The following HPX variants were observed in gnomAD, a reference collection of about 807,000 sequenced individuals.
HPX encodes beta-1B-glycoprotein.
Under a neutral mutation model 53.8 loss-of-function variants are expected in HPX, and 42 were observed. The ratio of observed to expected loss-of-function variants is 0.78; its 90% CI spans 0.61 to 1.01. The LOEUF (loss-of-function observed/expected upper bound fraction) is 1.01. Ranked by LOEUF, HPX falls within the 50% of genes least tolerant of loss-of-function variation. The pLI, the probability that HPX is intolerant of heterozygous loss-of-function variation, is 0.00. For synonymous variants in HPX, 229 were observed against 221.1 expected, an observed-to-expected ratio of 1.04 and a Z score of -0.32; for missense variants, 547 against 594.3, an observed-to-expected ratio of 0.92 and a Z score of 0.83.
In HPX at chr11:6,440,935, G is replaced by A. The variant is rs1652644134; in HGVS notation, c.29C>T (p.Ala10Val). 1 of 1,609,956 alleles carries A rather than the reference G, an allele frequency of 6.2e-7. No individual in the cohort carries two copies. The change falls in exon 1 of 10, where the codon GCA (alanine) becomes GTA (valine). Residue 10 changes from alanine (A) to valine (V), a missense_variant. By Grantham distance (64) the Ala-to-Val change is moderately conservative. Transcript: ENST00000265983. MARVLGAPV[A>V]LGLWSLCWSL... is the part of the protein sequence containing the mutation. ...CCAGCATAGGCTCCACAACCCCAGT[G>A]CAACGGGTGCTCCCAGTACCCTAGC...
chr11:6,437,845 C>T (rs1849437145), intron 5 of HPX, 193 bp from the exon 6 acceptor site: 1 of 599,134 alleles, frequency 1.7e-6, no homozygotes, highest in Non-Finnish European at 3.0e-6. Context: ...TCAGCAAAGG[C>T]AGTGGGGAGA....
At chr11:6,437,236 C>T (rs1284461577) in intron 6 of HPX, 59 bp from the exon 7 acceptor site, 1 of 1,567,614 alleles carries the variant, frequency 6.4e-7, no homozygotes, top group East Asian at 2.3e-5. Context: ...GAGTGAGGTC[C>T]AAGGTGGAAG....
chr11:6,437,215 GC>G, intron 6 of HPX, 38 bp from the exon 7 acceptor site: 1 of 1,597,138 alleles, frequency 6.3e-7, no homozygotes, highest in Non-Finnish European at 8.5e-7. Context: ...ACAGAAGGAG[GC>G]CAGAGGTCAG....
At position 6,431,737 on chromosome 11, in the gene HPX, G is replaced by A; in HGVS notation, c.1033C>T (p.Leu345=). 6.2e-7 allele frequency: 1 copy of A among 1,614,204 alleles called. No individual in the cohort carries two copies. The highest frequency in any genetic ancestry group is 8.5e-7 in the Non-Finnish European group (1 of 1,180,038). The change falls in exon 9 of 10, where the codon CTG becomes TTG. Residue 345 remains leucine (L), a synonymous_variant. Transcript: ENST00000265983. Reference sequence around the variant, plus strand: ...TGAGGGGTCCCGACTTCCTTCTCCAGCCGCTTCGGATAACCGCTTACTAGG... The same window carrying A: ...TGAGGGGTCCCGACTTCCTTCTCCAACCGCTTCGGATAACCGCTTACTAGG... ...YTLVSGYPKR[L]EKEVGTPHGI...
intron 6 of HPX, 55 bp downstream of exon 6, chr11:6,437,385 A>G (rs1849429397): frequency 6.0e-6 from 9 of 1,512,574 alleles, no homozygotes; most frequent in East Asian, 2.3e-5. Flanking sequence ...GAGATCCACA[A>G]GCTCAGGGAA....
At position 6,440,908 on chromosome 11, in the gene HPX, G is replaced by C. The variant is rs1446515896; in HGVS notation, c.56C>G (p.Ser19Cys). The change falls in exon 1 of 10, where the codon TCT becomes TGT. Residue 19 changes from serine (S) to cysteine (C), a missense_variant. Coordinates refer to ENST00000265983, the MANE Select transcript of HPX (RefSeq NM_000613.3). Reference protein sequence around the residue: ...VALGLWSLCWSLAIATPLPPT... With the variant: ...VALGLWSLCWCLAIATPLPPT... Reference sequence around the variant, plus strand: ...AGGAAGAGGGGTGGCAATGGCCAGAGACCAGCATAGGCTCCACAACCCCAG... The same window carrying C: ...AGGAAGAGGGGTGGCAATGGCCAGACACCAGCATAGGCTCCACAACCCCAG... 6.2e-7 allele frequency: 1 copy of C among 1,613,004 alleles called. No homozygotes were observed. Among genetic ancestry groups the C allele is most frequent in the Admixed American group, 1.7e-5 (1 of 59,882 alleles).
At chr11:6,440,798 A>G in intron 1 of HPX, 68 bp from the exon 2 acceptor site, 11 of 1,595,006 alleles carry the variant, frequency 6.9e-6, no homozygotes, top group Non-Finnish European at 9.5e-6. Context: ...CCTGACCCCA[A>G]ATTTGACCGA....
Position 6,431,387 on chromosome 11 carries a change from C to T in HPX, c.1213G>A (p.Gly405Arg), listed in dbSNP as rs1378268630. Residue 405 changes from glycine to arginine, a missense_variant, in exon 10 of 10, where the codon GGA becomes AGA. Gly to Arg is a moderately radical substitution (Grantham distance 125). Transcript: ENST00000265983. ...ELPWPHEKVD[G>R]ALCMEKSLGP... ...AGGGACTTTTCCATACACAAGGCTC[C>T]GTCTACCTTCTCATGGGGCCAAGGA... The T allele has an allele frequency of 1.3e-5, 21 of 1,614,132 alleles. No homozygotes were observed. Among genetic ancestry groups the T allele is most frequent in the African/African-American group, 2.7e-5 (2 of 74,932 alleles).
rs780355630 is a variant in HPX, at chr11:6,437,478, C to T, written c.665G>A (p.Arg222Gln). The change falls in exon 6 of 10, where the codon CGG becomes CAG. Residue 222 changes from arginine to glutamine, a missense_variant. Physicochemically the swap from Arg to Gln is conservative, Grantham distance 43 (BLOSUM62 1). Coordinates refer to ENST00000265983, the MANE Select transcript of HPX (RefSeq NM_000613.3). ...GGGCATGAAGTAGTCTCGGACATCCCGCGGGTACCTGGGAGGCACCTCTCC... is the reference window on the plus strand; with the variant it reads ...GGGCATGAAGTAGTCTCGGACATCCTGCGGGTACCTGGGAGGCACCTCTCC... ...VRGEVPPRYP[R>Q]DVRDYFMPCP... 44 of 1,613,988 alleles carry T rather than the reference C, an allele frequency of 2.7e-5. No individual in the cohort carries two copies. The highest frequency in any genetic ancestry group is 3.3e-5 in the Non-Finnish European group (39 of 1,180,034).
intron 7 of HPX, 125 bp from the exon 8 acceptor site, chr11:6,432,142 G>T: frequency 2.8e-6 from 3 of 1,054,786 alleles, no homozygotes; most frequent in Non-Finnish European, 2.8e-6. Context: ...GATGGAAGAG[G>T]CCAGGTGAGA....
intron 7 of HPX, among the ~76,000 whole-genome samples, chr11:6,433,881 T>C (rs1207406953): frequency 6.6e-6 from 1 of 152,224 alleles, no homozygotes; most frequent in Non-Finnish European, 1.5e-5. Flanking sequence ...TCACCCTCCC[T>C]AAAATGCTTT....
In HPX at chr11:6,437,646, C is replaced by T. The variant is rs559750586; in HGVS notation, c.497G>A (p.Arg166His). 3.7e-5 allele frequency: 59 copies of T among 1,613,942 alleles called. No homozygotes were observed. Among genetic ancestry groups the T allele is most frequent in the East Asian group, 1.8e-4 (8 of 44,882 alleles). ...AEGVLFFQGD[R>H]EWFWDLATGT... The stretch of plus-strand genomic sequence containing the variant: ...CGTAGCCAAGTCCCAGAACCACTCG[C>T]GGTCACCTTTGTCCAATCAATCAAC... Residue 166 changes from arginine to histidine, a missense_variant, in exon 6 of 10, where the codon CGC becomes CAC. Arg to His is a conservative substitution (Grantham distance 29). Transcript: ENST00000265983.
chr11:6,434,806 A>G (rs956462765), intron 7 of HPX, among the ~76,000 whole-genome samples: 20 of 152,202 alleles, frequency 1.3e-4, no homozygotes, highest in African/African-American at 4.8e-4. Flanking sequence ...TCTTACTAGG[A>G]AAAAAGAGCA....
intron 5 of HPX, 51 bp downstream of exon 5, chr11:6,438,305 C>A: frequency 6.3e-7 from 1 of 1,579,338 alleles, no homozygotes; most frequent in Non-Finnish European, 8.7e-7. Context: ...CTACTGGCAT[C>A]ACTACCAACC....
intron 4 of HPX, chr11:6,439,613 T>C (rs1325422743): frequency 1.1e-5 from 2 of 181,800 alleles, no homozygotes; most frequent in South Asian, 1.2e-4. Flanking sequence ...CTGGTTGAGA[T>C]AGAATGAGAC....
chr11:6,438,323 A>G, intron 5 of HPX, 33 bp downstream of exon 5: 1 of 1,609,402 alleles, frequency 6.2e-7, no homozygotes, highest in South Asian at 1.1e-5. Context: ...ACCCACCACT[A>G]CTCCAGGTTC....
chr11:6,437,305 G>A (rs936701807), intron 6 of HPX, 128 bp from the exon 7 acceptor site: 7 of 1,379,296 alleles, frequency 5.1e-6, no homozygotes, highest in Non-Finnish European at 7.0e-6. Flanking sequence ...GGAAAATCCA[G>A]AATGGAAATG....
In HPX at chr11:6,440,547, G is replaced by T; in HGVS notation, c.143-9C>A. ...GCCATCTGAGCAGCGTTCTGGGGTG[G>T]AGGTAGGGAGATGGCAAAGTAAAAA... On this transcript the variant is annotated splice_polypyrimidine_tract_variant and intron_variant, in intron 2 of 9. Transcript: ENST00000265983. 2 of 1,322,816 alleles carry T rather than the reference G, an allele frequency of 1.5e-6. No homozygotes were observed. Among genetic ancestry groups the T allele is most frequent in the African/African-American group, 1.6e-5 (1 of 62,940 alleles). The allele number at this position is 1,322,816 out of a possible 1,614,324, so 81.9% of individuals were successfully genotyped here. A position where few individuals can be genotyped will look rare whatever the true frequency, so the allele number is the denominator to read the frequency against.
At chr11:6,438,649 T>C (rs796727790) in intron 4 of HPX, 140 bp from the exon 5 acceptor site, 232 of 754,550 alleles carry the variant, frequency 3.1e-4, no homozygotes, top group South Asian at 1.4e-3. Flanking sequence ...TGGACAACAA[T>C]GTGCTGTCCT....
Sources: gnomAD v4.1 joint callset for allele counts (sites outside exome capture counted in the v4.1 genomes callset) on GRCh38, gnomAD v4.1.1 for gene constraint, MANE v1.5 for transcripts, NCBI Gene and HGNC (gene_info 2026-07-23, HGNC 2026-07-21) for gene names.